VDAC1: variants seen among roughly 807,000 people sequenced by gnomAD.
VDAC1 encodes the protein voltage dependent anion channel 1, also known as non-selective voltage-gated ion channel VDAC1.
Under a neutral mutation model 34.7 loss-of-function variants are expected in VDAC1, and 10 were observed. That is an observed-to-expected ratio of 0.29 (90% CI 0.18 to 0.49). The LOEUF is 0.49. Among genes scored for constraint, VDAC1 ranks in the 20% least tolerant of loss-of-function variants. VDAC1 has a pLI of 0.99. For missense variants in VDAC1, 230 were observed against 347.9 expected (o/e 0.66, Z 2.69); for synonymous variants, 130 against 136.0 (o/e 0.96, Z 0.30).
chr5:134,017,022 T>C, the VDAC1 span, among the ~76,000 whole-genome samples: 26 of 152,350 alleles, frequency 1.7e-4, no homozygotes, highest in Admixed American at 1.3e-3. Context: ...TCTTCCCAGA[T>C]GGCTGGTGCC....
At chr5:134,077,149 C>A in the VDAC1 span, among the ~76,000 whole-genome samples, 2,765 of 151,926 alleles carry the variant, frequency 0.018, 134 homozygotes, top group East Asian at 0.15. Context: ...TGGTGGCGTG[C>A]ACCTGTAATC....
chr5:133,973,949 G>A (rs575399164), intron 7 of VDAC1, 101 bp from the exon 8 acceptor site: 5 of 1,117,090 alleles, frequency 4.5e-6, no homozygotes, highest in Non-Finnish European at 6.5e-6. Flanking sequence ...TTGGACTTTA[G>A]AATCAAAATT....
At chr5:134,079,138 G>A in the VDAC1 span, among the ~76,000 whole-genome samples, 7 of 151,694 alleles carry the variant, frequency 4.6e-5, no homozygotes, top group African/African-American at 7.3e-5. Context: ...CACCATGCCC[G>A]GTTAATTTTG....
At chr5:134,045,593 T>C in the VDAC1 span, among the ~76,000 whole-genome samples, 1 of 152,182 alleles carries the variant, frequency 6.6e-6, no homozygotes, top group East Asian at 1.9e-4. Context: ...TAATATGGAC[T>C]CTTCTGCCTC....
At chr5:134,002,431 G>A (rs1332803976) in intron 1 of VDAC1, among the ~76,000 whole-genome samples, 1 of 152,156 alleles carries the variant, frequency 6.6e-6, no homozygotes, top group East Asian at 1.9e-4. Flanking sequence ...CACCATGAGG[G>A]AAGGGGTAAC....
the VDAC1 span, among the ~76,000 whole-genome samples, chr5:134,053,416 C>A: frequency 6.6e-6 from 1 of 152,208 alleles, no homozygotes; most frequent in Non-Finnish European, 1.5e-5. Context: ...TGCTGTGGGT[C>A]AATGGACCCA....
the VDAC1 span, among the ~76,000 whole-genome samples, chr5:134,047,623 A>G: frequency 0.021 from 3,252 of 152,346 alleles, 61 homozygotes; most frequent in Middle Eastern, 0.031. Context: ...GCAGTATTTT[A>G]TCAGCTCACA....
chr5:134,042,601 C>A, the VDAC1 span, among the ~76,000 whole-genome samples: 1 of 152,194 alleles, frequency 6.6e-6, no homozygotes, highest in Non-Finnish European at 1.5e-5. Context: ...TCAAGCGATT[C>A]TCCTGCCTCG....
At chr5:134,065,454 C>T in the VDAC1 span, among the ~76,000 whole-genome samples, 2 of 149,852 alleles carry the variant, frequency 1.3e-5, no homozygotes, top group East Asian at 3.9e-4. Flanking sequence ...AATTCTCCTG[C>T]TTCAGCCTCC....
chr5:133,995,002 C>T lies in VDAC1; in HGVS notation c.-6-1984G>A, dbSNP rs531936921. Among the ~76,000 whole-genome samples, 35 of 152,274 alleles carry T rather than the reference C, an allele frequency of 2.3e-4. 1 individual carries two copies. Among genetic ancestry groups the T allele is most frequent in the African/African-American group, 7.5e-4 (31 of 41,548 alleles). On this transcript the variant is annotated intron_variant, in intron 1 of 8. Transcript: ENST00000265333. The stretch of plus-strand genomic sequence containing the variant: ...CAGCCTTCACATCTGGACTGGTCCC[C>T]GCTCAGGATAAAGGCAGAGCACTCA...
chr5:134,048,660 A>C, the VDAC1 span, among the ~76,000 whole-genome samples: 584 of 152,238 alleles, frequency 3.8e-3, 1 homozygote, highest in Non-Finnish European at 5.6e-3. Flanking sequence ...ACACCACCCA[A>C]TGCCCTCATT....
At chr5:134,108,558 G>A in the VDAC1 span, among the ~76,000 whole-genome samples, 3 of 152,158 alleles carry the variant, frequency 2.0e-5, no homozygotes, top group Non-Finnish European at 4.4e-5. Context: ...GGAATAAGAG[G>A]GTGAGCTTTC....
At position 133,993,008 on chromosome 5, in the gene VDAC1, G is replaced by T. The variant is rs563406304; in HGVS notation, c.5C>A (p.Ala2Asp). ...AAGATCGGCATACGTGGGTGGCACA[G>T]CCATCTTCTGCTATGATAAAAGAAT... M[A>D]VPPTYADLGK... The change falls in exon 2 of 9, where the codon GCT becomes GAT. Residue 2 changes from alanine (A) to aspartate (D), a missense_variant. By Grantham distance (126) the Ala-to-Asp change is moderately radical. Transcript: ENST00000265333. The T allele has an allele frequency of 1.6e-5, 26 of 1,612,500 alleles. No individual in the cohort carries two copies. The South Asian group carries it at 2.9e-4, about 18-fold the overall frequency.
chr5:134,078,647 CT>C, the VDAC1 span, among the ~76,000 whole-genome samples: 3,946 of 118,366 alleles, frequency 0.033, 73 homozygotes, highest in South Asian at 0.084. Flanking sequence ...CCTCAAGCAT[CT>C]TTTTTTTTTT....
At chr5:133,988,147 C>T (rs1752971302) in intron 5 of VDAC1, among the ~76,000 whole-genome samples, 1 of 152,166 alleles carries the variant, frequency 6.6e-6, no homozygotes, top group Non-Finnish European at 1.5e-5. Flanking sequence ...TATATGATAT[C>T]AACATTAACT....
At chr5:133,998,021 C>G (rs768475229) in intron 1 of VDAC1, among the ~76,000 whole-genome samples, 4 of 149,932 alleles carry the variant, frequency 2.7e-5, no homozygotes, top group African/African-American at 7.4e-5. Context: ...GAGCTGAGAT[C>G]GCGCCATTGT....
chr5:134,000,787 C>G (rs993840483), intron 1 of VDAC1, among the ~76,000 whole-genome samples: 2 of 152,226 alleles, frequency 1.3e-5, no homozygotes, highest in South Asian at 4.1e-4. Flanking sequence ...GCTTGGTAAG[C>G]AGGGAATACA....
chr5:134,105,792 C>G, the VDAC1 span, among the ~76,000 whole-genome samples: 1 of 152,274 alleles, frequency 6.6e-6, no homozygotes, highest in Non-Finnish European at 1.5e-5. Flanking sequence ...TGCCCCTGCC[C>G]AGGCAAACAC....
intron 1 of VDAC1, among the ~76,000 whole-genome samples, chr5:133,999,357 C>T (rs1753451294): frequency 6.6e-6 from 1 of 152,118 alleles, no homozygotes; most frequent in Non-Finnish European, 1.5e-5. Flanking sequence ...GGCAGAACAG[C>T]AGAAGTATCT....
Sources: gnomAD v4.1 joint callset for allele counts (sites outside exome capture counted in the v4.1 genomes callset) on GRCh38, gnomAD v4.1.1 for gene constraint, MANE v1.5 for transcripts, NCBI Gene and HGNC (gene_info 2026-07-23, HGNC 2026-07-21) for gene names.